Variants in INTS12 observed in about 807,000 individuals in gnomAD.
INTS12 encodes the protein PHD finger protein 22.
In INTS12, 13 loss-of-function variants were observed where a neutral mutation model predicts 41.6. The observed-to-expected ratio is 0.31, with a 90% CI of 0.20 to 0.50. The LOEUF (loss-of-function observed/expected upper bound fraction) is 0.50. INTS12 is among the 20% of genes least tolerant of loss of function. The pLI is 0.98. For missense variants in INTS12, 432 were observed against 541.6 expected (o/e 0.80, Z 2.01); for synonymous variants, 199 against 191.4 (o/e 1.04, Z -0.33).
chr4:105,706,966 A>C (rs1216562768), intron 1 of INTS12, among the ~76,000 whole-genome samples: 1 of 152,180 alleles, frequency 6.6e-6, no homozygotes, highest in Non-Finnish European at 1.5e-5. Context: ...AAAATAAAAA[A>C]AAAAATTCTT....
rs1731996991 is a variant in INTS12, at chr4:105,699,847, T to C, written c.156+3A>G. On this transcript the variant is annotated splice_donor_region_variant and intron_variant, in intron 3 of 7. Transcript: ENST00000340139. ...TCTCCAAGCTTTTTATTCATTCAAG[T>C]ACCTTTTGAGATGGACGGTAACTGG... The C allele has an allele frequency of 6.6e-7, 1 of 1,506,368 alleles. No homozygotes were observed. Among genetic ancestry groups the C allele is most frequent in the Non-Finnish European group, 9.0e-7 (1 of 1,112,568 alleles). 93.3% of individuals were successfully genotyped at this position (1,506,368 alleles called of 1,614,324 possible).
chr4:105,690,121 T>C (rs1291747041), intron 6 of INTS12, among the ~76,000 whole-genome samples: 2 of 152,186 alleles, frequency 1.3e-5, no homozygotes, highest in Admixed American at 6.5e-5. Context: ...AACATGAAAG[T>C]TCTCCACATA....
chr4:105,682,705 A>C lies in INTS12; in HGVS notation c.*28T>G, dbSNP rs1419616697. 1 of 1,537,832 alleles carries C rather than the reference A, an allele frequency of 6.5e-7. No homozygotes were observed. Among genetic ancestry groups the C allele is most frequent in the African/African-American group, 1.4e-5 (1 of 73,142 alleles). Reference sequence around the variant, plus strand: ...TAATAAGCCTTTCATCTTTAGGCTAATATGATACAAAAACCTACTTGGCCA... The same window carrying C: ...TAATAAGCCTTTCATCTTTAGGCTACTATGATACAAAAACCTACTTGGCCA... On this transcript the variant is annotated 3_prime_UTR_variant, in exon 8 of 8. Transcript: ENST00000340139.
In INTS12 at chr4:105,686,695, G is replaced by A; in HGVS notation, c.801C>T (p.Val267=). Residue 267 remains valine, a synonymous_variant, in exon 7 of 8, where the codon GTC becomes GTT. Coordinates refer to ENST00000340139, the MANE Select transcript of INTS12 (RefSeq NM_020395.4). ...TTFLAFKRTE[V]KTSTVISGNS... ...ATAAAAATAGAATCTACTATACCTT[G>A]ACTTCTGTTCTCTTAAACGCTAGAA... 6.2e-7 allele frequency: 1 copy of A among 1,608,072 alleles called. No individual in the cohort carries two copies. The highest frequency in any genetic ancestry group is 8.5e-7 in the Non-Finnish European group (1 of 1,176,782).
In INTS12 at chr4:105,683,840, T is replaced by C. The variant is rs118073909; in HGVS notation, c.805-523A>G. ...CTGTGTGAGAGAAAGAAGACAGCTG[T>C]ATAGATTCTAAACCCATTAAAAAAA... On this transcript the variant is annotated intron_variant, in intron 7 of 7. Coordinates refer to ENST00000340139, the MANE Select transcript of INTS12 (RefSeq NM_020395.4). 1.7e-3 allele frequency among the ~76,000 whole-genome samples: 263 copies of C among 152,160 alleles called. 6 individuals carry two copies. The East Asian group carries it at 0.043, about 25-fold the overall frequency.
intron 4 of INTS12, 31 bp downstream of exon 4, chr4:105,695,485 T>G: frequency 6.5e-7 from 1 of 1,547,448 alleles, no homozygotes; most frequent in Non-Finnish European, 8.8e-7. Context: ...CTAATTTACT[T>G]TCTTTTAACA....
At position 105,687,756 on chromosome 4, in the gene INTS12, C is replaced by G. The variant is rs578203103; in HGVS notation, c.658-918G>C. On this transcript the variant is annotated intron_variant, in intron 6 of 7. Coordinates refer to ENST00000340139, the MANE Select transcript of INTS12 (RefSeq NM_020395.4). ...GTCAGGAGTTTGCGAACAGCCAGAA[C>G]AGCCTGGCCCACATGGTGAAACCCC... is the stretch of plus-strand genomic sequence containing the variant. Among the ~76,000 whole-genome samples, 106 of 152,288 alleles carry G rather than the reference C, an allele frequency of 7.0e-4. 1 individual carries two copies. The highest frequency in any genetic ancestry group is 1.3e-3 in the Non-Finnish European group (87 of 68,022).
At chr4:105,699,383 A>C (rs923945271) in intron 3 of INTS12, among the ~76,000 whole-genome samples, 2 of 152,172 alleles carry the variant, frequency 1.3e-5, no homozygotes, top group African/African-American at 4.8e-5. Flanking sequence ...CTTTGTTATT[A>C]TCAAGACAGG....
At chr4:105,698,805 T>G (rs1046918334) in intron 3 of INTS12, among the ~76,000 whole-genome samples, 1 of 152,202 alleles carries the variant, frequency 6.6e-6, no homozygotes, top group African/African-American at 2.4e-5. Context: ...AGTGTTTACT[T>G]GGGCTCTGAG....
intron 3 of INTS12, among the ~76,000 whole-genome samples, chr4:105,698,470 C>G (rs1046425550): frequency 2.0e-5 from 3 of 152,128 alleles, no homozygotes; most frequent in Non-Finnish European, 4.4e-5. Context: ...AGCTAGAAAC[C>G]TAAGGGCAGC....
At chr4:105,703,086 T>C in intron 2 of INTS12, 1 of 882,476 alleles carries the variant, frequency 1.1e-6, no homozygotes, top group Non-Finnish European at 1.4e-6. Flanking sequence ...TACAATTCCT[T>C]TCCTGTATAT....
intron 5 of INTS12, 63 bp from the exon 6 acceptor site, chr4:105,692,198 C>A: frequency 6.7e-7 from 1 of 1,486,236 alleles, no homozygotes; most frequent in Non-Finnish European, 9.2e-7. Flanking sequence ...AAAGTTATTT[C>A]AGGGGCCAGG....
At chr4:105,690,525 T>C (rs770760811) in intron 6 of INTS12, among the ~76,000 whole-genome samples, 61 of 152,236 alleles carry the variant, frequency 4.0e-4, no homozygotes, top group Non-Finnish European at 7.6e-4. Flanking sequence ...GCATCAAAGA[T>C]GTTTTCTAAT....
Position 105,686,848 on chromosome 4 carries a change from T to A in INTS12, c.658-10A>T, listed in dbSNP as rs569006485. The A allele has an allele frequency of 3.3e-4, 537 of 1,612,280 alleles. 5 individuals are homozygous for A. The South Asian group carries it at 5.5e-3, about 17-fold the overall frequency. ...TCTGAGTTTTTTGAGCCTGCAAAAA[T>A]CAGTGGATTAAATCAGATACAAAAT... is the stretch of plus-strand genomic sequence containing the variant. On this transcript the variant is annotated splice_polypyrimidine_tract_variant and intron_variant, in intron 6 of 7. Coordinates refer to ENST00000340139, the MANE Select transcript of INTS12 (RefSeq NM_020395.4).
intron 3 of INTS12, among the ~76,000 whole-genome samples, chr4:105,698,348 A>T (rs1403675022): frequency 6.6e-6 from 1 of 152,178 alleles, no homozygotes; most frequent in East Asian, 1.9e-4. Context: ...CACTCTTCTT[A>T]CACAAATCTA....
At position 105,708,477 on chromosome 4, in the gene INTS12, G is replaced by T. The variant is rs1732383731; in HGVS notation, c.-172+161C>A. ...AGGAAGCACAGTCCTCACTGAAAGG[G>T]GAGAGCAGTCAGTCTAGGGCACGCA... On this transcript the variant is annotated intron_variant, in intron 1 of 7. Coordinates refer to ENST00000340139, the MANE Select transcript of INTS12 (RefSeq NM_020395.4). 3.0e-6 allele frequency: 3 copies of T among 985,252 alleles called. No homozygotes were observed. The South Asian group carries it at 1.4e-4, about 46-fold the overall frequency. The allele number at this position is 985,252 out of a possible 1,614,324, so 61.0% of individuals were successfully genotyped here.
Position 105,699,946 on chromosome 4 carries a change from C to T in INTS12, c.60G>A (p.Leu20=). The T allele has an allele frequency of 6.5e-7, 1 of 1,529,368 alleles. No homozygotes were observed. 94.7% of individuals were successfully genotyped at this position (1,529,368 alleles called of 1,614,324 possible). ...CAGCAGAATCTTTACTCTTTGAATG[C>T]AAGAAACCTAGTGCTTTCAAAAAAA... The part of the protein sequence containing the change: ...DPIFLKALGF[L]HSKSKDSAEK... Residue 20 remains leucine (L), a synonymous_variant, in exon 3 of 8, where the codon TTG becomes TTA. Coordinates refer to ENST00000340139, the MANE Select transcript of INTS12 (RefSeq NM_020395.4).
chr4:105,707,316 ATTT>A (rs34994709), intron 1 of INTS12, among the ~76,000 whole-genome samples: 7 of 140,678 alleles, frequency 5.0e-5, no homozygotes, highest in Admixed American at 7.1e-5. Flanking sequence ...CCCTTGAAGC[ATTT>A]TTTTTTTTTT....
At chr4:105,698,957 G>T (rs1731964955) in intron 3 of INTS12, among the ~76,000 whole-genome samples, 1 of 152,164 alleles carries the variant, frequency 6.6e-6, no homozygotes, top group South Asian at 2.1e-4. Context: ...AGAAGGATTT[G>T]ATAGAATGTC....
Sources: allele counts gnomAD v4.1 joint callset (sites outside exome capture counted in the v4.1 genomes callset), GRCh38; gene constraint gnomAD v4.1.1; transcripts MANE v1.5; gene names NCBI Gene and HGNC (gene_info 2026-07-23, HGNC 2026-07-21).